PRELID2: variants seen among roughly 807,000 people sequenced by gnomAD.
The protein encoded by PRELID2 is PRELI domain containing 2, also known as PRELI domain-containing protein 2.
A neutral mutation model predicts 28.4 loss-of-function variants in PRELID2; 25 were observed. The ratio of observed to expected loss-of-function variants is 0.88; its 90% CI spans 0.64 to 1.23. The LOEUF is 1.23. Ranked by LOEUF, PRELID2 falls within the 50% of genes most tolerant of loss-of-function variation. The probability of loss-of-function intolerance (pLI) is 0.00; values close to 1 mark genes in which losing one functional copy is unlikely to be tolerated. For synonymous variants in PRELID2, 76 were observed against 71.6 expected (o/e 1.06, Z -0.31); for missense variants, 201 against 214.4 (o/e 0.94, Z 0.39).
chr5:145,335,349 T>G, the PRELID2 span, among the ~76,000 whole-genome samples: 1 of 152,080 alleles, frequency 6.6e-6, no homozygotes, highest in African/African-American at 2.4e-5. Context: ...AACTTCTAAT[T>G]TTTTTATGTA....
At chr5:145,229,104 AT>A in the PRELID2 span, 2 of 1,462,542 alleles carry the variant, frequency 1.4e-6, no homozygotes, top group Non-Finnish European at 1.9e-6. Context: ...CAGGCCCTGC[AT>A]CGCCCACAAA....
the PRELID2 span, among the ~76,000 whole-genome samples, chr5:145,385,546 TC>T: frequency 6.6e-6 from 1 of 152,116 alleles, no homozygotes; most frequent in African/African-American, 2.4e-5. Flanking sequence ...CAATTTAACT[TC>T]AGTAATGAGA....
chr5:145,335,283 T>G, the PRELID2 span, among the ~76,000 whole-genome samples: 1 of 152,028 alleles, frequency 6.6e-6, no homozygotes, highest in African/African-American at 2.4e-5. Flanking sequence ...TCTCATTCGT[T>G]GCATTATTCA....
the PRELID2 span, among the ~76,000 whole-genome samples, chr5:145,430,653 G>A: frequency 6.6e-6 from 1 of 152,116 alleles, no homozygotes; most frequent in African/African-American, 2.4e-5. Context: ...CTTTATGCCT[G>A]TATACCTTTG....
the PRELID2 span, among the ~76,000 whole-genome samples, chr5:145,417,044 T>A: frequency 6.6e-6 from 1 of 151,406 alleles, no homozygotes. Context: ...AAGAGATAAA[T>A]AGAGACAATC....
the PRELID2 span, among the ~76,000 whole-genome samples, chr5:145,277,531 A>G: frequency 6.6e-6 from 1 of 151,680 alleles, no homozygotes; most frequent in Non-Finnish European, 1.5e-5. Flanking sequence ...TAGCCTTCCA[A>G]CTCCCTGAGG....
At chr5:145,743,763 GC>G (rs1261430094) in intron 1 of PRELID2, among the ~76,000 whole-genome samples, 2 of 152,016 alleles carry the variant, frequency 1.3e-5, no homozygotes, top group African/African-American at 2.4e-5. Context: ...ATTCTCAACA[GC>G]CTCTCAGCCT....
chr5:145,264,465 A>G, the PRELID2 span, among the ~76,000 whole-genome samples: 1 of 152,140 alleles, frequency 6.6e-6, no homozygotes, highest in African/African-American at 2.4e-5. Context: ...CAAACCCTCC[A>G]CAAAATAGGC....
intron 1 of PRELID2, among the ~76,000 whole-genome samples, chr5:145,587,853 C>CT (rs754862690): frequency 6.6e-6 from 1 of 152,142 alleles, no homozygotes; most frequent in Non-Finnish European, 1.5e-5. Flanking sequence ...TTGAAGATAA[C>CT]TTTTTTCAGG....
chr5:145,518,075 G>A (rs1198017315), intron 1 of PRELID2, among the ~76,000 whole-genome samples: 1 of 151,568 alleles, frequency 6.6e-6, no homozygotes, highest in East Asian at 1.9e-4. Context: ...AACCACCATG[G>A]CACATGTATC....
At chr5:145,507,728 T>A (rs1356481594) in intron 1 of PRELID2, among the ~76,000 whole-genome samples, 1 of 152,100 alleles carries the variant, frequency 6.6e-6, no homozygotes, top group Non-Finnish European at 1.5e-5. Flanking sequence ...CAAGACTGTC[T>A]CCACATTAAC....
At chr5:145,424,798 A>T in the PRELID2 span, among the ~76,000 whole-genome samples, 1 of 152,276 alleles carries the variant, frequency 6.6e-6, no homozygotes, top group African/African-American at 2.4e-5. Flanking sequence ...TAAATGTAAA[A>T]CCCAAAACTA....
chr5:145,768,700 A>G lies in PRELID2; in HGVS notation c.475-3700T>C, dbSNP rs569874213. On this transcript the variant is annotated intron_variant, in intron 5 of 6. Coordinates refer to ENST00000683046, the MANE Select transcript of PRELID2 (RefSeq NM_205846.3). The stretch of plus-strand genomic sequence containing the variant: ...CCTGCAAACTTTCCCATCCATCTAA[A>G]TTAAGACCTCCACCACTTATTGAAC... Among the ~76,000 whole-genome samples, 232 of 152,326 alleles carry G rather than the reference A, an allele frequency of 1.5e-3. 2 individuals carry two copies. The highest frequency in any genetic ancestry group is 5.1e-3 in the African/African-American group (211 of 41,574).
chr5:145,275,492 A>C, the PRELID2 span, among the ~76,000 whole-genome samples: 2 of 152,170 alleles, frequency 1.3e-5, no homozygotes, highest in African/African-American at 4.8e-5. Flanking sequence ...AGGATGAGAA[A>C]ATAGCATGTT....
At chr5:145,249,156 T>C in the PRELID2 span, among the ~76,000 whole-genome samples, 1 of 152,168 alleles carries the variant, frequency 6.6e-6, no homozygotes, top group Non-Finnish European at 1.5e-5. Flanking sequence ...TGCTGAAGAA[T>C]AGAGAAACTT....
intron 1 of PRELID2, among the ~76,000 whole-genome samples, chr5:145,623,621 A>ATAGG (rs1561523376): frequency 6.6e-6 from 1 of 151,868 alleles, no homozygotes; most frequent in Non-Finnish European, 1.5e-5. Context: ...AGATAAATAG[A>ATAGG]TAGGTAGGTA....
intron 1 of PRELID2, among the ~76,000 whole-genome samples, chr5:145,517,783 C>T (rs1239246353): frequency 2.0e-5 from 3 of 152,148 alleles, no homozygotes; most frequent in South Asian, 4.2e-4. Flanking sequence ...AAATGTGGCA[C>T]ATATACACCA....
At chr5:145,750,773 A>G (rs1354909797) in intron 1 of PRELID2, among the ~76,000 whole-genome samples, 1 of 152,232 alleles carries the variant, frequency 6.6e-6, no homozygotes, top group Non-Finnish European at 1.5e-5. Flanking sequence ...ACCAGAAAAG[A>G]GGTGTTATTG....
At chr5:145,497,957 C>T (rs1024728690) in intron 1 of PRELID2, among the ~76,000 whole-genome samples, 15 of 152,202 alleles carry the variant, frequency 9.9e-5, no homozygotes, top group African/African-American at 3.6e-4. Context: ...AGACCCTGTG[C>T]TCTTGTTTGT....
Sources: allele counts gnomAD v4.1 joint callset (sites outside exome capture counted in the v4.1 genomes callset), GRCh38; gene constraint gnomAD v4.1.1; transcripts MANE v1.5; gene names NCBI Gene and HGNC (gene_info 2026-07-23, HGNC 2026-07-21).